IL1RAPL2: variants seen among roughly 807,000 people sequenced by gnomAD.
IL1RAPL2 encodes X-linked interleukin-1 receptor accessory protein-like 2.
In IL1RAPL2, 3 loss-of-function variants were observed where a neutral mutation model predicts 44.1. That is an observed-to-expected ratio of 0.07 (90% confidence interval 0.03 to 0.18). The LOEUF (loss-of-function observed/expected upper bound fraction) is 0.18. Ranked by LOEUF, IL1RAPL2 falls within the 10% of genes least tolerant of loss-of-function variation. IL1RAPL2 has a pLI of 1.00. For missense variants in IL1RAPL2, 391 were observed against 496.4 expected (o/e 0.79, Z 2.02); for synonymous variants, 181 against 178.8 (o/e 1.01, Z -0.10).
chrX:105,003,143 C>T (rs771956709), intron 2 of IL1RAPL2, among the ~76,000 whole-genome samples: 2 of 110,926 alleles, frequency 1.8e-5, no homozygotes, highest in Non-Finnish European at 3.8e-5. Flanking sequence ...TATATTCCTT[C>T]CCCTTTAGTC....
At chrX:105,062,112 T>G (rs1266801672) in intron 2 of IL1RAPL2, among the ~76,000 whole-genome samples, 2 of 111,593 alleles carry the variant, frequency 1.8e-5, no homozygotes, top group Admixed American at 9.5e-5. Flanking sequence ...CCTTCTTTCC[T>G]TCCTTCCTGT....
At chrX:105,494,872 A>G (rs1419048118) in intron 6 of IL1RAPL2, among the ~76,000 whole-genome samples, 1 of 111,987 alleles carries the variant, frequency 8.9e-6, no homozygotes, top group East Asian at 2.8e-4. Context: ...AATAAGGACA[A>G]GGCAGGAGAT....
chrX:105,146,994 A>C (rs2033185595), intron 2 of IL1RAPL2, among the ~76,000 whole-genome samples: 2 of 111,521 alleles, frequency 1.8e-5, no homozygotes, highest in Admixed American at 1.9e-4. Flanking sequence ...TGGGGTCAGC[A>C]GAAAGAAATG....
At chrX:105,014,662 G>GCAT (rs1485339385) in intron 2 of IL1RAPL2, among the ~76,000 whole-genome samples, 1 of 112,295 alleles carries the variant, frequency 8.9e-6, no homozygotes, top group Non-Finnish European at 1.9e-5. Flanking sequence ...TTTTATGGCT[G>GCAT]CATAGTATTC....
chrX:105,008,985 A>G (rs1265863946), intron 2 of IL1RAPL2, among the ~76,000 whole-genome samples: 1 of 112,241 alleles, frequency 8.9e-6, no homozygotes, highest in African/African-American at 3.2e-5. Flanking sequence ...GCAGCCAACA[A>G]ACACATGAAA....
intron 1 of IL1RAPL2, among the ~76,000 whole-genome samples, chrX:104,642,699 C>G (rs1929957133): frequency 9.0e-6 from 1 of 111,284 alleles, no homozygotes; most frequent in South Asian, 3.8e-4. Context: ...GTTGGCCAGG[C>G]TGGCCTCAAA....
rs190960199 is a variant in IL1RAPL2, at chrX:104,807,629, G to A, written c.82+148634G>A. 7.6e-3 allele frequency among the ~76,000 whole-genome samples: 842 copies of A among 111,377 alleles called. 37 individuals carry two copies. The highest frequency in any genetic ancestry group is 0.075 in the Admixed American group (779 of 10,420). Reference sequence around the variant, plus strand: ...CACCATCAGTCTCAACCCCCCAGACGATCACGGTTAACTCTTCATCATGCA... The same window carrying A: ...CACCATCAGTCTCAACCCCCCAGACAATCACGGTTAACTCTTCATCATGCA... On this transcript the variant is annotated intron_variant, in intron 2 of 10. Transcript: ENST00000372582.
chrX:105,175,065 G>T (rs1458240396), intron 2 of IL1RAPL2, among the ~76,000 whole-genome samples: 6 of 111,607 alleles, frequency 5.4e-5, no homozygotes, highest in African/African-American at 2.0e-4. Flanking sequence ...TTATAAGGTT[G>T]TTGTGAGGAT....
chrX:104,910,515 C>T (rs945790879), intron 2 of IL1RAPL2, among the ~76,000 whole-genome samples: 1 of 111,747 alleles, frequency 8.9e-6, no homozygotes, highest in Non-Finnish European at 1.9e-5. Flanking sequence ...CTATCCCTCC[C>T]CTAGCCCCCT....
At chrX:105,635,926 TG>T (rs1370811005) in intron 6 of IL1RAPL2, among the ~76,000 whole-genome samples, 1 of 110,371 alleles carries the variant, frequency 9.1e-6, no homozygotes, top group Admixed American at 9.7e-5. Flanking sequence ...GTGAAATGAG[TG>T]GGTGGTAAGA....
intron 2 of IL1RAPL2, among the ~76,000 whole-genome samples, chrX:105,027,035 C>A (rs2031385206): frequency 1.8e-5 from 2 of 111,119 alleles, no homozygotes; most frequent in Non-Finnish European, 3.8e-5. Flanking sequence ...CTACAGTGAA[C>A]TCATTTTCGA....
intron 6 of IL1RAPL2, among the ~76,000 whole-genome samples, chrX:105,645,371 G>T (rs2147840890): frequency 8.9e-6 from 1 of 111,936 alleles, no homozygotes; most frequent in Admixed American, 9.5e-5. Flanking sequence ...ATATTTTGAG[G>T]AGTTGAGTGT....
chrX:105,501,203 T>C (rs980467255), intron 6 of IL1RAPL2, among the ~76,000 whole-genome samples: 11 of 112,063 alleles, frequency 9.8e-5, no homozygotes, highest in African/African-American at 3.6e-4. Flanking sequence ...TAAATTTCTA[T>C]GATAACTAAA....
At chrX:105,737,933 A>T (rs2038463545) in intron 7 of IL1RAPL2, among the ~76,000 whole-genome samples, 1 of 111,926 alleles carries the variant, frequency 8.9e-6, no homozygotes, top group Admixed American at 9.5e-5. Context: ...TTATAGAAAA[A>T]CTAACCATAA....
At chrX:105,691,793 G>T (rs210427) in intron 6 of IL1RAPL2, among the ~76,000 whole-genome samples, 48,537 of 110,284 alleles carry the variant, frequency 0.44, 8,651 homozygotes, top group African/African-American at 0.67. Context: ...ATAGAATAAA[G>T]TAGTAATGAG....
In IL1RAPL2 at chrX:104,785,738, C is replaced by G. The variant is rs149964561; in HGVS notation, c.82+126743C>G. 5.8e-3 allele frequency among the ~76,000 whole-genome samples: 651 copies of G among 112,354 alleles called. 3 individuals carry two copies. The highest frequency in any genetic ancestry group is 0.02 in the African/African-American group (620 of 30,937). ...GCTATATAGCACTGACCTCTTATCT[C>G]TTTCAAAAGGAAAGATGAATCTAAG... On this transcript the variant is annotated intron_variant, in intron 2 of 10. Transcript: ENST00000372582.
chrX:105,073,101 T>A (rs1196344193), intron 2 of IL1RAPL2, among the ~76,000 whole-genome samples: 2 of 107,296 alleles, frequency 1.9e-5, no homozygotes, highest in Admixed American at 2.0e-4. Context: ...TATTCAGGTT[T>A]GTTACATATG....
At chrX:105,529,181 G>A (rs779251094) in intron 6 of IL1RAPL2, among the ~76,000 whole-genome samples, 1 of 111,124 alleles carries the variant, frequency 9.0e-6, no homozygotes, top group Non-Finnish European at 1.9e-5. Flanking sequence ...TATGATTTGG[G>A]TGATCCTGTG....
chrX:104,946,402 A>AAAAAAT (rs1925360107), intron 2 of IL1RAPL2, among the ~76,000 whole-genome samples: 1 of 95,674 alleles, frequency 1.0e-5, no homozygotes, highest in Non-Finnish European at 2.1e-5. Flanking sequence ...AAAAAAAAAA[A>AAAAAAT]AAAAAAACTT....
Sources: gnomAD v4.1 joint callset for allele counts (sites outside exome capture counted in the v4.1 genomes callset) on GRCh38, gnomAD v4.1.1 for gene constraint, MANE v1.5 for transcripts, NCBI Gene and HGNC (gene_info 2026-07-23, HGNC 2026-07-21) for gene names.